Variants in ERP44 observed in about 807,000 individuals in gnomAD.
ERP44 encodes endoplasmic reticulum resident protein 44.
Under a neutral mutation model 53.4 loss-of-function variants are expected in ERP44, and 25 were observed. The ratio of observed to expected loss-of-function variants is 0.47; its 90% CI spans 0.34 to 0.65. The LOEUF is 0.65. ERP44 is among the 30% of genes least tolerant of loss of function. The probability of loss-of-function intolerance (pLI) is 0.01; values close to 1 mark genes in which losing one functional copy is unlikely to be tolerated. For synonymous variants in ERP44, 145 were observed against 161.2 expected, an observed-to-expected ratio of 0.90 and a Z score of 0.76; for missense variants, 338 against 493.2, an observed-to-expected ratio of 0.69 and a Z score of 2.98.
intron 10 of ERP44, among the ~76,000 whole-genome samples, chr9:99,995,086 T>C (rs1443900861): frequency 6.6e-6 from 1 of 152,184 alleles, no homozygotes; most frequent in African/African-American, 2.4e-5. Flanking sequence ...TAGGTAGTTT[T>C]TTTTTCCCCC....
intron 1 of ERP44, among the ~76,000 whole-genome samples, chr9:100,085,885 G>A (rs986447240): frequency 6.6e-6 from 1 of 152,176 alleles, no homozygotes; most frequent in African/African-American, 2.4e-5. Context: ...GGCAACAAGA[G>A]CGAAACTCTG....
intron 5 of ERP44, among the ~76,000 whole-genome samples, chr9:100,021,755 T>A (rs926584493): frequency 6.6e-6 from 1 of 152,236 alleles, no homozygotes; most frequent in Non-Finnish European, 1.5e-5. Context: ...TCTGGTTGTA[T>A]ATACTTGACT....
At chr9:99,984,770 TTATAA>T (rs1191983055) in intron 11 of ERP44, among the ~76,000 whole-genome samples, 192 bp downstream of exon 11, 1 of 152,170 alleles carries the variant, frequency 6.6e-6, no homozygotes, top group African/African-American at 2.4e-5. Flanking sequence ...AGAAACTACG[TTATAA>T]TATTCTTTCA....
Position 99,981,419 on chromosome 9 carries a change from T to C in ERP44, c.*1193A>G, listed in dbSNP as rs1830147996. 1 of 152,664 alleles carries C rather than the reference T, an allele frequency of 6.6e-6. No homozygotes were observed. The highest frequency in any genetic ancestry group is 1.5e-5 in the Non-Finnish European group (1 of 68,042). 9.5% of individuals were successfully genotyped at this position (152,664 alleles called of 1,614,324 possible). A position where few individuals can be genotyped will look rare whatever the true frequency, so the allele number is the denominator to read the frequency against. On this transcript the variant is annotated 3_prime_UTR_variant, in exon 12 of 12. Transcript: ENST00000262455. ...AGCCTTTTAAGCTTAAAAATAATCT[T>C]TTCCCAAACTGGGATTGATTTATAC... is the stretch of plus-strand genomic sequence containing the variant.
At chr9:100,093,415 G>C (rs1026864430) in intron 1 of ERP44, among the ~76,000 whole-genome samples, 10 of 152,174 alleles carry the variant, frequency 6.6e-5, no homozygotes, top group Admixed American at 6.5e-5. Context: ...AGGCCAAAGC[G>C]GGTGGATCGC....
chr9:100,000,151 G>A (rs1057172618), intron 10 of ERP44, among the ~76,000 whole-genome samples: 1 of 152,052 alleles, frequency 6.6e-6, no homozygotes, highest in Non-Finnish European at 1.5e-5. Flanking sequence ...GTTCTCCCAG[G>A]CCGGTGCAGT....
chr9:99,986,354 T>C (rs1830195559), intron 10 of ERP44, among the ~76,000 whole-genome samples: 1 of 152,222 alleles, frequency 6.6e-6, no homozygotes, highest in African/African-American at 2.4e-5. Context: ...AGCATTTTTT[T>C]CATTGCTTGT....
chr9:100,015,447 C>G (rs1337380046), intron 8 of ERP44, among the ~76,000 whole-genome samples: 1 of 152,168 alleles, frequency 6.6e-6, no homozygotes, highest in African/African-American at 2.4e-5. Context: ...GTTCCTCCAG[C>G]CTCTTAGGTT....
intron 4 of ERP44, among the ~76,000 whole-genome samples, chr9:100,025,531 C>G (rs1307963291): frequency 6.6e-6 from 1 of 152,002 alleles, no homozygotes; most frequent in African/African-American, 2.4e-5. Context: ...TTTGTTATCT[C>G]TCAAAAGCAG....
At chr9:100,021,413 C>T (rs1016423845) in intron 5 of ERP44, among the ~76,000 whole-genome samples, 2 of 152,170 alleles carry the variant, frequency 1.3e-5, no homozygotes, top group African/African-American at 4.8e-5. Flanking sequence ...GTGATGTGAG[C>T]AATAAAGTCC....
intron 1 of ERP44, among the ~76,000 whole-genome samples, chr9:100,070,004 T>C (rs1308565868): frequency 6.6e-6 from 1 of 152,226 alleles, no homozygotes; most frequent in African/African-American, 2.4e-5. Context: ...TTTTCAGAGC[T>C]GGGGGTGAAC....
chr9:99,985,414 T>C (rs1830186031), intron 10 of ERP44, among the ~76,000 whole-genome samples: 1 of 152,230 alleles, frequency 6.6e-6, no homozygotes, highest in African/African-American at 2.4e-5. Context: ...AAAAAAAACT[T>C]TGTTCTGCAA....
chr9:100,053,976 C>A (rs1826063678), intron 3 of ERP44, among the ~76,000 whole-genome samples: 1 of 152,152 alleles, frequency 6.6e-6, no homozygotes, highest in South Asian at 2.1e-4. Flanking sequence ...TGAAAGGATG[C>A]AAACATTATA....
chr9:100,094,790 T>C (rs1169772547), intron 1 of ERP44, among the ~76,000 whole-genome samples: 2 of 144,848 alleles, frequency 1.4e-5, no homozygotes, highest in South Asian at 2.5e-4. Context: ...AGTGAGACCC[T>C]TGTCTCTACA....
At chr9:100,057,478 A>T (rs1826097496) in intron 3 of ERP44, among the ~76,000 whole-genome samples, 1 of 152,246 alleles carries the variant, frequency 6.6e-6, no homozygotes, top group Non-Finnish European at 1.5e-5. Context: ...TCTAAACTTG[A>T]CATACCCAAA....
intron 10 of ERP44, among the ~76,000 whole-genome samples, chr9:99,988,413 T>C (rs1430342723): frequency 1.3e-5 from 2 of 152,236 alleles, no homozygotes; most frequent in Admixed American, 1.3e-4. Flanking sequence ...TATAGGTACA[T>C]GATAAATTCT....
chr9:100,006,478 A>AT, intron 10 of ERP44, 28 bp downstream of exon 10: 1 of 1,541,402 alleles, frequency 6.5e-7, no homozygotes, highest in Non-Finnish European at 8.9e-7. Flanking sequence ...CATATCAGTA[A>AT]TTTTTAAAAA....
At position 100,006,651 on chromosome 9, in the gene ERP44, T is replaced by G. The variant is rs2118632459; in HGVS notation, c.875-4A>C. 2.6e-6 allele frequency: 4 copies of G among 1,560,676 alleles called. No individual in the cohort carries two copies. In the South Asian group the frequency reaches 4.8e-5, roughly 19 times the overall value. ...GCATGTAAAAAGTTTATTGTACCTT[T>G]AAGAAAAAAGAATTTTGAGAGGTAA... On this transcript the variant is annotated splice_polypyrimidine_tract_variant and splice_region_variant and intron_variant, in intron 9 of 11. Transcript: ENST00000262455.
chr9:100,074,883 G>C (rs1264411046), intron 1 of ERP44, among the ~76,000 whole-genome samples: 23 of 152,128 alleles, frequency 1.5e-4, no homozygotes, highest in Non-Finnish European at 2.9e-5. Flanking sequence ...TGGGTCCCCG[G>C]ACTCATCCTG....
Sources: gnomAD v4.1 joint callset for allele counts (sites outside exome capture counted in the v4.1 genomes callset) on GRCh38, gnomAD v4.1.1 for gene constraint, MANE v1.5 for transcripts, NCBI Gene and HGNC (gene_info 2026-07-23, HGNC 2026-07-21) for gene names.